The following ODAD2 variants were observed in gnomAD, a reference collection of about 807,000 sequenced individuals.
ODAD2 encodes the protein outer dynein arm docking complex subunit 2, also known as outer dynein arm-docking complex subunit 2.
A neutral mutation model predicts 106.8 loss-of-function variants in ODAD2; 89 were observed. The observed-to-expected ratio is 0.83, with a 90% CI of 0.70 to 0.99. The LOEUF (loss-of-function observed/expected upper bound fraction) is 0.99. ODAD2 is among the 50% of genes least tolerant of loss of function. ODAD2 has a pLI of 0.00. For missense variants in ODAD2, 1,168 were observed against 1,238.5 expected, an observed-to-expected ratio of 0.94 and a Z score of 0.85; for synonymous variants, 404 against 436.2, an observed-to-expected ratio of 0.93 and a Z score of 0.92.
At chr10:27,812,694 G>A in intron 19 of ODAD2, 69 bp from the exon 20 acceptor site, 1 of 1,476,012 alleles carries the variant, frequency 6.8e-7, no homozygotes, top group Non-Finnish European at 8.9e-7. Context: ...ATAAAGTTAG[G>A]CTAGGAAAAT....
intron 17 of ODAD2, among the ~76,000 whole-genome samples, chr10:27,882,173 A>AAAAGAAAGAAAGAAAGAAAGAAAGAAAG (rs377482668): frequency 1.4e-4 from 15 of 109,738 alleles, no homozygotes; most frequent in South Asian, 6.9e-4. Context: ...GTCATAAAAA[A>AAAAGAAAGAAAGAAAGAAAGAAAGAAAG]AAAGAAAGAA....
At chr10:27,943,281 A>T (rs1846583684) in intron 12 of ODAD2, among the ~76,000 whole-genome samples, 1 of 152,198 alleles carries the variant, frequency 6.6e-6, no homozygotes, top group South Asian at 2.1e-4. Flanking sequence ...AGACTTAGAC[A>T]AAGAAGACAA....
chr10:27,932,202 C>T (rs934194932), intron 16 of ODAD2, among the ~76,000 whole-genome samples: 1 of 152,106 alleles, frequency 6.6e-6, no homozygotes, highest in Non-Finnish European at 1.5e-5. Flanking sequence ...TCCCAAAGTA[C>T]TGGGATTACA....
intron 19 of ODAD2, among the ~76,000 whole-genome samples, chr10:27,851,671 TG>T (rs1839277204): frequency 6.6e-6 from 1 of 152,094 alleles, no homozygotes; most frequent in African/African-American, 2.4e-5. Flanking sequence ...CAGGGAGCTG[TG>T]GGAAAACGTT....
chr10:27,915,060 T>C (rs1397519249), intron 16 of ODAD2, among the ~76,000 whole-genome samples: 3 of 152,044 alleles, frequency 2.0e-5, no homozygotes, highest in Admixed American at 1.3e-4. Flanking sequence ...CCCAAATTGA[T>C]GGCAGACATT....
At chr10:27,889,887 G>A (rs2133692079) in intron 17 of ODAD2, among the ~76,000 whole-genome samples, 1 of 152,250 alleles carries the variant, frequency 6.6e-6, no homozygotes, top group East Asian at 1.9e-4. Flanking sequence ...CCAGACTACA[G>A]TCATGGACAA....
At chr10:27,924,015 AAAGAAAGAAG>A (rs1564509388) in intron 16 of ODAD2, among the ~76,000 whole-genome samples, 46 of 145,810 alleles carry the variant, frequency 3.2e-4, no homozygotes, top group African/African-American at 1.1e-3. Context: ...AGAAAGAAAG[AAAGAAAGAAG>A]GAAAGAGAAA....
chr10:27,918,566 A>C (rs1399011957), intron 16 of ODAD2, among the ~76,000 whole-genome samples: 2 of 151,966 alleles, frequency 1.3e-5, no homozygotes, highest in African/African-American at 4.8e-5. Flanking sequence ...CTGATAAAAC[A>C]TCTACAAAAA....
At chr10:27,967,254 G>A (rs1848541207) in intron 9 of ODAD2, among the ~76,000 whole-genome samples, 1 of 151,576 alleles carries the variant, frequency 6.6e-6, no homozygotes, top group Admixed American at 6.6e-5. Context: ...AGAAAGCGCT[G>A]CAACCCACCT....
chr10:27,860,660 T>C lies in ODAD2; in HGVS notation c.2986A>G (p.Asn996Asp). 3.1e-6 allele frequency: 5 copies of C among 1,614,120 alleles called. No individual in the cohort carries two copies. Among genetic ancestry groups the C allele is most frequent in the East Asian group, 2.2e-5 (1 of 44,862 alleles). Reference sequence around the variant, plus strand: ...CCATTCTCATGCATGGTGATGCAGTTATCGGCGTCTTCTGAGAGTTGGTAC... The same window carrying C: ...CCATTCTCATGCATGGTGATGCAGTCATCGGCGTCTTCTGAGAGTTGGTAC... Reference protein sequence around the residue: ...ALYQLSEDADNCITMHENGAV... With the variant: ...ALYQLSEDADDCITMHENGAV... Residue 996 changes from asparagine (N) to aspartate (D), a missense_variant, in exon 19 of 20, where the codon AAC (asparagine) becomes GAC (aspartate). By Grantham distance (23) the Asn-to-Asp change is conservative (BLOSUM62 1). Coordinates refer to ENST00000305242, the MANE Select transcript of ODAD2 (RefSeq NM_018076.5).
At chr10:27,862,006 A>C (rs11006747) in intron 18 of ODAD2, among the ~76,000 whole-genome samples, 82,550 of 152,076 alleles carry the variant, frequency 0.54, 23,730 homozygotes, top group Middle Eastern at 0.68. Context: ...ATAAACAATG[A>C]AATGATTGCC....
intron 9 of ODAD2, among the ~76,000 whole-genome samples, chr10:27,965,570 A>C (rs1386724290): frequency 6.6e-6 from 1 of 152,188 alleles, no homozygotes; most frequent in Non-Finnish European, 1.5e-5. Context: ...GTTTGCATTT[A>C]GAGTAGTGTC....
intron 17 of ODAD2, among the ~76,000 whole-genome samples, chr10:27,892,445 T>TTGTAAACAGAC (rs1292612381): frequency 6.6e-6 from 1 of 152,208 alleles, no homozygotes; most frequent in Non-Finnish European, 1.5e-5. Flanking sequence ...AAAGTGATCT[T>TTGTAAACAGAC]TGTAAAACAG....
intron 7 of ODAD2, among the ~76,000 whole-genome samples, chr10:27,981,256 T>C (rs1345613312): frequency 6.6e-6 from 1 of 152,154 alleles, no homozygotes; most frequent in African/African-American, 2.4e-5. Context: ...GTGATATTTG[T>C]ACAACATTGT....
Position 27,828,907 on chromosome 10 carries a change from C to T in ODAD2, c.3022-16282G>A, listed in dbSNP as rs552783012. Among the ~76,000 whole-genome samples, 10 of 152,216 alleles carry T rather than the reference C, an allele frequency of 6.6e-5. No individual in the cohort carries two copies. In the South Asian group the frequency reaches 2.1e-3, roughly 32 times the overall value. ...TAATTAGTTCCACAGTATTCCTTAA[C>T]ATTAGAAAAAGTATAAGTTCCTAAT... On this transcript the variant is annotated intron_variant, in intron 19 of 19. Transcript: ENST00000305242.
chr10:27,950,914 A>G (rs1283265009), intron 10 of ODAD2, among the ~76,000 whole-genome samples: 1 of 152,228 alleles, frequency 6.6e-6, no homozygotes, highest in Non-Finnish European at 1.5e-5. Context: ...ATTAAAAAAT[A>G]GTTCAATAAA....
chr10:27,926,254 T>C (rs998853308), intron 16 of ODAD2, among the ~76,000 whole-genome samples: 1 of 152,022 alleles, frequency 6.6e-6, no homozygotes, highest in East Asian at 1.9e-4. Context: ...CCATAGTTTA[T>C]CAAACATTGT....
rs368031714 is a variant in ODAD2 at position 27,944,798 on chromosome 10, G to T, written c.1533+18C>A. 1.7e-5 allele frequency: 28 copies of T among 1,613,860 alleles called. No homozygotes were observed. The African/African-American group carries it at 3.5e-4, about 20-fold the overall frequency. ...GGTGGGAACAAGACTCCGCATCCAA[G>T]GTGACAGAGCCACTCACCTTACATT... On this transcript the variant is annotated intron_variant, in intron 11 of 19. Coordinates refer to ENST00000305242, the MANE Select transcript of ODAD2 (RefSeq NM_018076.5).
chr10:27,868,894 AAG>A lies in ODAD2; in HGVS notation c.2611-6274_2611-6273del, dbSNP rs1258552316. ...TAAAATTTTCCTGTAAACATAAAAA[AAG>A]AGAATAAGGAGCAAAATCATGCTCT... On this transcript the variant is annotated intron_variant, in intron 17 of 19. Coordinates refer to ENST00000305242, the MANE Select transcript of ODAD2 (RefSeq NM_018076.5). 1.3e-4 allele frequency among the ~76,000 whole-genome samples: 19 copies of A among 151,940 alleles called. 1 individual carries two copies. Among genetic ancestry groups the A allele is most frequent in the Admixed American group, 1.2e-3 (18 of 15,270 alleles).
Sources: gnomAD v4.1 joint callset for allele counts (sites outside exome capture counted in the v4.1 genomes callset) on GRCh38, gnomAD v4.1.1 for gene constraint, MANE v1.5 for transcripts, NCBI Gene and HGNC (gene_info 2026-07-23, HGNC 2026-07-21) for gene names.